FANCF: variants seen among roughly 807,000 people sequenced by gnomAD.
The protein encoded by FANCF is Fanconi anemia group F protein.
For synonymous variants in FANCF, 257 were observed against 205.9 expected (o/e 1.25, Z -2.13); for missense variants, 552 against 481.8 (o/e 1.15, Z -1.36).
In FANCF at chr11:22,625,503, A is replaced by T. The variant is rs775367657; in HGVS notation, c.308T>A (p.Leu103His). ...CAGGTGGTAACGAGCTGCATCCCCGAGGGCCCGGTTCTCCAGCAGGCGCAG... is the reference window on the plus strand; with the variant it reads ...CAGGTGGTAACGAGCTGCATCCCCGTGGGCCCGGTTCTCCAGCAGGCGCAG... ...LSLRLLENRA[L>H]GDAARYHLVQ... is the part of the protein sequence containing the mutation. Residue 103 changes from leucine to histidine, a missense_variant, in exon 1 of 1, where the codon CTC becomes CAC. By Grantham distance (99) the Leu-to-His change is moderately conservative. Transcript: ENST00000327470. The T allele has an allele frequency of 6.2e-7, 1 of 1,614,134 alleles. No homozygotes were observed. Among genetic ancestry groups the T allele is most frequent in the Non-Finnish European group, 8.5e-7 (1 of 1,180,014 alleles).
Position 22,624,529 on chromosome 11 carries a change from G to T in FANCF, c.*157C>A. On this transcript the variant is annotated 3_prime_UTR_variant, in exon 1 of 1. Transcript: ENST00000327470. ...AGAAAATCCGTGACACTACATGCCA[G>T]CTACTTTGCATATTTATAACTGTTT... The T allele has an allele frequency of 1.4e-6, 1 of 694,058 alleles. No individual in the cohort carries two copies. Among genetic ancestry groups the T allele is most frequent in the Non-Finnish European group, 2.5e-6 (1 of 407,472 alleles). 43.0% of individuals were successfully genotyped at this position (694,058 alleles called of 1,614,324 possible).
In FANCF at chr11:22,623,225, C is replaced by A. The variant is rs1396554113; in HGVS notation, c.*1461G>T. On this transcript the variant is annotated 3_prime_UTR_variant, in exon 1 of 1. Coordinates refer to ENST00000327470, the MANE Select transcript of FANCF (RefSeq NM_022725.4). ...TACTGACTACTGGAATAATAGTTTACCCCTGGGTTGTACCACAGAATGAGA... is the reference window on the plus strand; with the variant it reads ...TACTGACTACTGGAATAATAGTTTAACCCTGGGTTGTACCACAGAATGAGA... The A allele has an allele frequency of 4.7e-6, 1 of 212,986 alleles. No individual in the cohort carries two copies. Among genetic ancestry groups the A allele is most frequent in the East Asian group, 7.1e-5 (1 of 14,154 alleles). The allele number at this position is 212,986 out of a possible 1,614,324, so 13.2% of individuals were successfully genotyped here. A position where few individuals can be genotyped will look rare whatever the true frequency, so the allele number is the denominator to read the frequency against.
Position 22,625,619 on chromosome 11 carries a change from G to C in FANCF, c.192C>G (p.Asn64Lys). 6.2e-7 allele frequency: 1 copy of C among 1,613,638 alleles called. No individual in the cohort carries two copies. Among genetic ancestry groups the C allele is most frequent in the African/African-American group, 1.3e-5 (1 of 75,070 alleles). The change falls in exon 1 of 1, where the codon AAC becomes AAG. Residue 64 changes from asparagine to lysine, a missense_variant. Asn to Lys is a moderately conservative substitution (Grantham distance 94, BLOSUM62 0). Transcript: ENST00000327470. ...IRTALERRLH[N>K]QWRQEGGFGR... ...CAAAGCCGCCCTCTTGCCTCCACTG[G>C]TTGTGCAGCCGCCGCTCCAGAGCCG...
Position 22,624,926 on chromosome 11 carries a change from A to C in FANCF, c.885T>G (p.Val295=), listed in dbSNP as rs761238804. Residue 295 remains valine (V), a synonymous_variant, in exon 1 of 1, where the codon GTT becomes GTG. Coordinates refer to ENST00000327470, the MANE Select transcript of FANCF (RefSeq NM_022725.4). ...LHYDLQKGIW[V]GTESQDVPWE... is the part of the protein sequence containing the mutation. ...AGGGCACATCTTGGGACTCAGTTCCAACCCAAATGCCTTTCTGAAGGTCAT... is the reference window on the plus strand; with the variant it reads ...AGGGCACATCTTGGGACTCAGTTCCCACCCAAATGCCTTTCTGAAGGTCAT... The C allele has an allele frequency of 5.6e-6, 9 of 1,614,202 alleles. No individual in the cohort carries two copies. The highest frequency in any genetic ancestry group is 7.6e-6 in the Non-Finnish European group (9 of 1,180,038).
chr11:22,624,545 A>G lies in FANCF; in HGVS notation c.*141T>C. 1 of 784,874 alleles carries G rather than the reference A, an allele frequency of 1.3e-6. No homozygotes were observed. Among genetic ancestry groups the G allele is most frequent in the Non-Finnish European group, 2.1e-6 (1 of 477,888 alleles). The allele number at this position is 784,874 out of a possible 1,614,324, so 48.6% of individuals were successfully genotyped here. A position where few individuals can be genotyped will look rare whatever the true frequency, so the allele number is the denominator to read the frequency against. On this transcript the variant is annotated 3_prime_UTR_variant, in exon 1 of 1. Transcript: ENST00000327470. The stretch of plus-strand genomic sequence containing the variant: ...TACATGCCAGCTACTTTGCATATTT[A>G]TAACTGTTTAATAAACTATTCAAAA...
rs1181872000 is a variant in FANCF, at chr11:22,623,475, C to T, written c.*1211G>A. The T allele has an allele frequency of 5.0e-6, 1 of 201,506 alleles. No individual in the cohort carries two copies. The highest frequency in any genetic ancestry group is 2.3e-5 in the African/African-American group (1 of 43,560). The allele number at this position is 201,506 out of a possible 1,614,324, so 12.5% of individuals were successfully genotyped here. ...CCCTTGAATTTATTCAAGGCAATCA[C>T]TATCAGCTGTGGAACACCCAGGTAA... On this transcript the variant is annotated 3_prime_UTR_variant, in exon 1 of 1. Coordinates refer to ENST00000327470, the MANE Select transcript of FANCF (RefSeq NM_022725.4).
rs1590539274 is a variant in FANCF, at chr11:22,623,784, G to A, written c.*902C>T. 5.6e-6 allele frequency: 1 copy of A among 179,916 alleles called. No individual in the cohort carries two copies. Among genetic ancestry groups the A allele is most frequent in the South Asian group, 2.0e-4 (1 of 5,060 alleles). 11.1% of individuals were successfully genotyped at this position (179,916 alleles called of 1,614,324 possible). ...CCAAGGCGGACGGATCACAAGGTCA[G>A]GTGTTTGAGACCAGCCTGGCCAGCA... On this transcript the variant is annotated 3_prime_UTR_variant, in exon 1 of 1. Coordinates refer to ENST00000327470, the MANE Select transcript of FANCF (RefSeq NM_022725.4).
chr11:22,625,564 A>G lies in FANCF; in HGVS notation c.247T>C (p.Phe83Leu). The G allele has an allele frequency of 6.2e-7, 1 of 1,614,006 alleles. No individual in the cohort carries two copies. The highest frequency in any genetic ancestry group is 8.5e-7 in the Non-Finnish European group (1 of 1,180,012). Residue 83 changes from phenylalanine to leucine, a missense_variant, in exon 1 of 1, where the codon TTC (phenylalanine) becomes CTC (leucine). Phe to Leu is a conservative substitution (Grantham distance 22, BLOSUM62 0). Transcript: ENST00000327470. ...GRGPVPGLAN[F>L]QALGHCDVLL... ...ACGTCACAGTGACCGAGGGCCTGGA[A>G]GTTCGCTAATCCCGGAACTGGACCC...
In FANCF at chr11:22,624,954, T is replaced by C. The variant is rs368940253; in HGVS notation, c.857A>G (p.His286Arg). The change falls in exon 1 of 1, where the codon CAC becomes CGC. Residue 286 changes from histidine (H) to arginine (R), a missense_variant. Physicochemically the swap from His to Arg is conservative, Grantham distance 29. Transcript: ENST00000327470. The part of the protein sequence containing the change: ...GLLTDWGQRL[H>R]YDLQKGIWVG... Reference sequence around the variant, plus strand: ...CCAAATGCCTTTCTGAAGGTCATAGTGCAAACGTTGACCCCAGTCTGTTAG... The same window carrying C: ...CCAAATGCCTTTCTGAAGGTCATAGCGCAAACGTTGACCCCAGTCTGTTAG... 1.9e-5 allele frequency: 31 copies of C among 1,614,180 alleles called. No homozygotes were observed. The highest frequency in any genetic ancestry group is 2.6e-5 in the Non-Finnish European group (31 of 1,180,028).
At position 22,625,087 on chromosome 11, in the gene FANCF, G is replaced by A. The variant is rs1413394457; in HGVS notation, c.724C>T (p.Leu242=). 8 of 1,613,640 alleles carry A rather than the reference G, an allele frequency of 5.0e-6. No individual in the cohort carries two copies. Among genetic ancestry groups the A allele is most frequent in the Admixed American group, 1.7e-5 (1 of 59,946 alleles). ...GCAGCAAAGACTTCCGAATTCCCCA[G>A]AAGCCAGTGGACTAGCACTTGGCTC... ...EGSQVLVHWL[L]GNSEVFAAFC... Residue 242 remains leucine (L), a synonymous_variant, in exon 1 of 1, where the codon CTG becomes TTG. Coordinates refer to ENST00000327470, the MANE Select transcript of FANCF (RefSeq NM_022725.4).
In FANCF at chr11:22,624,286, A is replaced by G. The variant is rs1437178660; in HGVS notation, c.*400T>C. 1 of 297,974 alleles carries G rather than the reference A, an allele frequency of 3.4e-6. No individual in the cohort carries two copies. Among genetic ancestry groups the G allele is most frequent in the East Asian group, 5.0e-5 (1 of 20,128 alleles). 18.5% of individuals were successfully genotyped at this position (297,974 alleles called of 1,614,324 possible). ...ACCAATATTCCTGACACTGCCAGGA[A>G]TAAAGAAAACTCTTCACTACTGAGG... is the stretch of plus-strand genomic sequence containing the variant. On this transcript the variant is annotated 3_prime_UTR_variant, in exon 1 of 1. Coordinates refer to ENST00000327470, the MANE Select transcript of FANCF (RefSeq NM_022725.4).
At position 22,625,821 on chromosome 11, in the gene FANCF, A is replaced by G; in HGVS notation, c.-11T>C. 1.2e-6 allele frequency: 2 copies of G among 1,613,814 alleles called. No individual in the cohort carries two copies. Among genetic ancestry groups the G allele is most frequent in the Non-Finnish European group, 1.7e-6 (2 of 1,179,994 alleles). On this transcript the variant is annotated 5_prime_UTR_variant, in exon 1 of 1. Transcript: ENST00000327470. ...CAGAAGGGATTCCATGAGGTGCGCG[A>G]AGGCCCTACTTCCGCTTTCACCTTG... is the stretch of plus-strand genomic sequence containing the variant.
At position 22,624,782 on chromosome 11, in the gene FANCF, A is replaced by C; in HGVS notation, c.1029T>G (p.Gly343=). Residue 343 remains glycine, a synonymous_variant, in exon 1 of 1, where the codon GGT becomes GGG. Transcript: ENST00000327470. The stretch of plus-strand genomic sequence containing the variant: ...ATAAGAGGTCTGTCCAGATGCTAAG[A>C]CCAGGTACTTCAAAATCTCCATCCT... ...KAQDGDFEVP[G]LSIWTDLLLA... is the part of the protein sequence containing the mutation. 1 of 1,614,158 alleles carries C rather than the reference A, an allele frequency of 6.2e-7. No individual in the cohort carries two copies. Among genetic ancestry groups the C allele is most frequent in the Non-Finnish European group, 8.5e-7 (1 of 1,180,026 alleles).
rs1590540128 is a variant in FANCF, at chr11:22,624,501, T to C, written c.*185A>G. 2 of 626,206 alleles carry C rather than the reference T, an allele frequency of 3.2e-6. No individual in the cohort carries two copies. Among genetic ancestry groups the C allele is most frequent in the South Asian group, 3.9e-5 (2 of 50,946 alleles). The allele number at this position is 626,206 out of a possible 1,614,324, so 38.8% of individuals were successfully genotyped here. ...GGAGTACTTCCAATCACTTCCTCTA[T>C]CCAGAAAATCCGTGACACTACATGC... On this transcript the variant is annotated 3_prime_UTR_variant, in exon 1 of 1. Coordinates refer to ENST00000327470, the MANE Select transcript of FANCF (RefSeq NM_022725.4).
Position 22,624,660 on chromosome 11 carries a change from A to G in FANCF, c.*26T>C. 1 of 1,603,066 alleles carries G rather than the reference A, an allele frequency of 6.2e-7. No individual in the cohort carries two copies. Among genetic ancestry groups the G allele is most frequent in the Non-Finnish European group, 8.5e-7 (1 of 1,169,924 alleles). Reference sequence around the variant, plus strand: ...TTTCATTTTGTAAACTATATATTCTATATTCAAGTAATAACACAGCATTGC... The same window carrying G: ...TTTCATTTTGTAAACTATATATTCTGTATTCAAGTAATAACACAGCATTGC... On this transcript the variant is annotated 3_prime_UTR_variant, in exon 1 of 1. Transcript: ENST00000327470.
At position 22,625,541 on chromosome 11, in the gene FANCF, G is replaced by A. The variant is rs552500538; in HGVS notation, c.270C>T (p.Asp90=). 2.5e-6 allele frequency: 4 copies of A among 1,614,006 alleles called. No homozygotes were observed. Among genetic ancestry groups the A allele is most frequent in the South Asian group, 2.2e-5 (2 of 91,088 alleles). ...LANFQALGHC[D]VLLSLRLLEN... is the part of the protein sequence containing the mutation. ...CCAGCAGGCGCAGAGAGAGCAGGACGTCACAGTGACCGAGGGCCTGGAAGT... is the reference window on the plus strand; with the variant it reads ...CCAGCAGGCGCAGAGAGAGCAGGACATCACAGTGACCGAGGGCCTGGAAGT... The change falls in exon 1 of 1, where the codon GAC becomes GAT. Residue 90 remains aspartate (D), a synonymous_variant. Coordinates refer to ENST00000327470, the MANE Select transcript of FANCF (RefSeq NM_022725.4).
chr11:22,624,732 C>G lies in FANCF; in HGVS notation c.1079G>C (p.Arg360Thr), dbSNP rs1858613955. Residue 360 changes from arginine to threonine, a missense_variant, in exon 1 of 1, where the codon AGG becomes ACG. By Grantham distance (71) the Arg-to-Thr change is moderately conservative. Coordinates refer to ENST00000327470, the MANE Select transcript of FANCF (RefSeq NM_022725.4). Reference protein sequence around the residue: ...LLLALRSGAFRKRQVLGLSAG... With the variant: ...LLLALRSGAFTKRQVLGLSAG... ...GCTGAGACCCAAAACTTGTCTTTTC[C>G]TAAATGCACCACTACGAAGAGCTAA... is the stretch of plus-strand genomic sequence containing the variant. 1 of 1,614,022 alleles carries G rather than the reference C, an allele frequency of 6.2e-7. No individual in the cohort carries two copies. Among genetic ancestry groups the G allele is most frequent in the African/African-American group, 1.3e-5 (1 of 74,894 alleles).
chr11:22,624,774 A>T lies in FANCF; in HGVS notation c.1037T>A (p.Ile346Asn). ...AAGAGCTAATAAGAGGTCTGTCCAG[A>T]TGCTAAGACCAGGTACTTCAAAATC... Reference protein sequence around the residue: ...DGDFEVPGLSIWTDLLLALRS... With the variant: ...DGDFEVPGLSNWTDLLLALRS... Residue 346 changes from isoleucine to asparagine, a missense_variant, in exon 1 of 1, where the codon ATC (isoleucine) becomes AAC (asparagine). Physicochemically the swap from Ile to Asn is moderately radical, Grantham distance 149. Transcript: ENST00000327470. 2 of 1,614,162 alleles carry T rather than the reference A, an allele frequency of 1.2e-6. No homozygotes were observed. The highest frequency in any genetic ancestry group is 1.7e-6 in the Non-Finnish European group (2 of 1,180,006).
At position 22,624,304 on chromosome 11, in the gene FANCF, T is replaced by C; in HGVS notation, c.*382A>G. On this transcript the variant is annotated 3_prime_UTR_variant, in exon 1 of 1. Coordinates refer to ENST00000327470, the MANE Select transcript of FANCF (RefSeq NM_022725.4). ...GCCAGGAATAAAGAAAACTCTTCAC[T>C]ACTGAGGGAGGGACAGAAAACCTAG... 1 of 325,592 alleles carries C rather than the reference T, an allele frequency of 3.1e-6. No individual in the cohort carries two copies. The highest frequency in any genetic ancestry group is 4.6e-5 in the South Asian group (1 of 21,552). 20.2% of individuals were successfully genotyped at this position (325,592 alleles called of 1,614,324 possible).
Sources: gnomAD v4.1 joint callset for allele counts on GRCh38, gnomAD v4.1.1 for gene constraint, MANE v1.5 for transcripts, NCBI Gene and HGNC (gene_info 2026-07-23, HGNC 2026-07-21) for gene names.